Variants in CTNNA3 observed in about 807,000 individuals in gnomAD.
CTNNA3 encodes the protein catenin alpha-3.
Under a neutral mutation model 95.7 loss-of-function variants are expected in CTNNA3, and 76 were observed. The observed-to-expected ratio is 0.79, with a 90% CI of 0.66 to 0.96. CTNNA3 has a LOEUF of 0.96. Ranked by LOEUF, CTNNA3 falls within the 40% of genes least tolerant of loss-of-function variation. The probability of loss-of-function intolerance (pLI) is 0.00; values close to 1 mark genes in which losing one functional copy is unlikely to be tolerated. For missense variants in CTNNA3, 1,191 were observed against 1,089.8 expected (o/e 1.09, Z -1.31); for synonymous variants, 431 against 374.4 (o/e 1.15, Z -1.74).
intron 6 of CTNNA3, among the ~76,000 whole-genome samples, chr10:67,197,642 A>G (rs1478749701): frequency 6.6e-6 from 1 of 152,082 alleles, no homozygotes; most frequent in African/African-American, 2.4e-5. Flanking sequence ...TCTCTAGAGC[A>G]CTGCTGTTTA....
intron 7 of CTNNA3, among the ~76,000 whole-genome samples, chr10:66,819,326 T>C (rs1276192746): frequency 6.6e-6 from 1 of 152,090 alleles, no homozygotes; most frequent in Non-Finnish European, 1.5e-5. Context: ...TTACCCCATA[T>C]ACAAAATCTA....
intron 5 of CTNNA3, among the ~76,000 whole-genome samples, chr10:67,255,297 AAAATAAAT>A (rs749848337): frequency 4.0e-5 from 6 of 151,688 alleles, no homozygotes; most frequent in African/African-American, 7.2e-5. Flanking sequence ...CTCCATCTCA[AAAATAAAT>A]AAATAAATAA....
chr10:66,562,845 T>C (rs562612175), intron 10 of CTNNA3, among the ~76,000 whole-genome samples: 1 of 152,236 alleles, frequency 6.6e-6, no homozygotes, highest in African/African-American at 2.4e-5. Flanking sequence ...AATATCTTTA[T>C]ACTATTTGTT....
intron 12 of CTNNA3, among the ~76,000 whole-genome samples, chr10:66,344,120 A>G (rs931890122): frequency 7.3e-5 from 11 of 150,332 alleles, no homozygotes; most frequent in African/African-American, 2.2e-4. Flanking sequence ...CTAGCTACTC[A>G]GGAGGCTGAG....
intron 7 of CTNNA3, among the ~76,000 whole-genome samples, chr10:66,831,989 G>A (rs1312764577): frequency 6.6e-6 from 1 of 152,100 alleles, no homozygotes; most frequent in Non-Finnish European, 1.5e-5. Flanking sequence ...AATAGCATAA[G>A]GAAAGGAATG....
chr10:66,915,328 A>G (rs1846434723), intron 7 of CTNNA3, among the ~76,000 whole-genome samples: 1 of 152,164 alleles, frequency 6.6e-6, no homozygotes, highest in Non-Finnish European at 1.5e-5. Flanking sequence ...CTGATTCTCT[A>G]CAGTGACAGT....
rs539960397 is a variant in CTNNA3, at chr10:66,356,296, T to C, written c.1732+22856A>G. On this transcript the variant is annotated intron_variant, in intron 12 of 17. Transcript: ENST00000433211. ...AGCTTAGGAAGAATTGATATCATCATCATATTGAGTATATTCCAATAATGG... is the reference window on the plus strand; with the variant it reads ...AGCTTAGGAAGAATTGATATCATCACCATATTGAGTATATTCCAATAATGG... Among the ~76,000 whole-genome samples, 14 of 152,144 alleles carry C rather than the reference T, an allele frequency of 9.2e-5. No homozygotes were observed. The South Asian group carries it at 2.5e-3, about 27-fold the overall frequency.
At chr10:67,440,711 T>C (rs1329407479) in intron 5 of CTNNA3, among the ~76,000 whole-genome samples, 1 of 151,678 alleles carries the variant, frequency 6.6e-6, no homozygotes, top group Non-Finnish European at 1.5e-5. Context: ...AGAAAATTAT[T>C]CTAGATTCTA....
intron 10 of CTNNA3, among the ~76,000 whole-genome samples, chr10:66,542,222 T>TA (rs1231760939): frequency 3.3e-5 from 5 of 151,996 alleles, no homozygotes; most frequent in African/African-American, 1.2e-4. Context: ...TGGCAATCAT[T>TA]AAAAAATCAG....
chr10:66,171,081 C>T (rs1025077739), intron 13 of CTNNA3, among the ~76,000 whole-genome samples: 5 of 151,550 alleles, frequency 3.3e-5, no homozygotes, highest in Non-Finnish European at 5.9e-5. Context: ...TGCAGTGAGC[C>T]GAGATGGAGC....
chr10:65,994,861 T>C (rs986671482), intron 15 of CTNNA3, among the ~76,000 whole-genome samples: 8 of 152,158 alleles, frequency 5.3e-5, no homozygotes, highest in African/African-American at 1.9e-4. Flanking sequence ...TTATTTATTC[T>C]ATTTTGCCTG....
At chr10:67,458,398 G>A (rs1226417541) in intron 5 of CTNNA3, among the ~76,000 whole-genome samples, 2 of 152,114 alleles carry the variant, frequency 1.3e-5, no homozygotes, top group Non-Finnish European at 2.9e-5. Context: ...TCAGTAGGCA[G>A]CATAGCTTGT....
intron 5 of CTNNA3, among the ~76,000 whole-genome samples, chr10:67,393,069 AT>A (rs759450546): frequency 1.8e-3 from 279 of 151,978 alleles, no homozygotes; most frequent in Non-Finnish European, 2.4e-3. Flanking sequence ...TAAAAAAAAA[AT>A]AAATAAAAAT....
intron 5 of CTNNA3, among the ~76,000 whole-genome samples, chr10:67,382,680 T>C (rs1843992674): frequency 6.6e-6 from 1 of 152,194 alleles, no homozygotes; most frequent in East Asian, 1.9e-4. Flanking sequence ...GGAAATAACC[T>C]GAGGCTGGGT....
intron 1 of CTNNA3, among the ~76,000 whole-genome samples, chr10:67,721,077 T>G (rs1163224098): frequency 1.3e-5 from 2 of 152,206 alleles, no homozygotes; most frequent in Admixed American, 6.5e-5. Flanking sequence ...CAGGCTGCCC[T>G]TAATTTCTTT....
intron 5 of CTNNA3, among the ~76,000 whole-genome samples, chr10:67,241,613 C>T (rs1227689370): frequency 6.6e-6 from 1 of 152,136 alleles, no homozygotes; most frequent in African/African-American, 2.4e-5. Flanking sequence ...TCTCAAAGAG[C>T]AAACAGAATC....
At chr10:66,265,068 T>C (rs1459869085) in intron 13 of CTNNA3, among the ~76,000 whole-genome samples, 1 of 152,028 alleles carries the variant, frequency 6.6e-6, no homozygotes, top group African/African-American at 2.4e-5. Context: ...AATCTACTTA[T>C]CACCACAATC....
intron 15 of CTNNA3, among the ~76,000 whole-genome samples, chr10:66,062,537 A>G (rs139252663): frequency 6.6e-6 from 1 of 152,278 alleles, no homozygotes; most frequent in Non-Finnish European, 1.5e-5. Context: ...TCAGAAAAAC[A>G]TTACGGTGTC....
At chr10:67,108,904 C>G in intron 7 of CTNNA3, among the ~76,000 whole-genome samples, 1 of 152,166 alleles carries the variant, frequency 6.6e-6, no homozygotes, top group Admixed American at 6.5e-5. Context: ...AATTAATCCT[C>G]AAATGAAAAG....
Sources: allele counts gnomAD v4.1 joint callset (sites outside exome capture counted in the v4.1 genomes callset), GRCh38; gene constraint gnomAD v4.1.1; transcripts MANE v1.5; gene names NCBI Gene and HGNC (gene_info 2026-07-23, HGNC 2026-07-21).